Variants in FBXO31 observed in about 807,000 individuals in gnomAD.
FBXO31 encodes the protein F-box only protein 31.
Under a neutral mutation model 54.4 loss-of-function variants are expected in FBXO31, and 24 were observed. The ratio of observed to expected loss-of-function variants is 0.44; its 90% CI spans 0.32 to 0.62. FBXO31 has a LOEUF of 0.62. Among genes scored for constraint, FBXO31 ranks in the 20% least tolerant of loss-of-function variants. The probability of loss-of-function intolerance (pLI) is 0.05; values close to 1 mark genes in which losing one functional copy is unlikely to be tolerated. For synonymous variants in FBXO31, 388 were observed against 335.6 expected, an observed-to-expected ratio of 1.16 and a Z score of -1.71; for missense variants, 665 against 787.1, an observed-to-expected ratio of 0.84 and a Z score of 1.86.
rs538491998 is a variant in FBXO31 at position 87,361,933 on chromosome 16, C to T, written c.341-1567G>A. Among the ~76,000 whole-genome samples the T allele has an allele frequency of 5.3e-5, 8 of 152,336 alleles. No homozygotes were observed. In the South Asian group the frequency reaches 1.5e-3, roughly 28 times the overall value. On this transcript the variant is annotated intron_variant, in intron 1 of 8. Transcript: ENST00000311635. ...TGTGTCTCCTCTCAGTTGTGGTCTA[C>T]GGGTCCCCCTTAGCGGGAGGACCTG...
In FBXO31 at chr16:87,383,364, A is replaced by ACCCCCCCCCCCACCCCGCCCCCCCCCCC; in HGVS notation, c.340+40_340+41insGGGGGGGGGGGCGGGGTGGGGGGGGGGG. ...GCTCCGAGGCCTCCACCTGGCAGGG[A>ACCCCCCCCCCCACCCCGCCCCCCCCCCC]CCCCCCGCCCCTCCCGGCCCCGCCA... On this transcript the variant is annotated intron_variant, in intron 1 of 8. Coordinates refer to ENST00000311635, the MANE Select transcript of FBXO31 (RefSeq NM_024735.5). This position sits in a 1 kb window ranked among gnomAD's most constrained non-coding sequence, Gnocchi z 4.9. 1.5e-6 allele frequency: 2 copies of ACCCCCCCCCCCACCCCGCCCCCCCCCCC among 1,329,440 alleles called. No individual in the cohort carries two copies. Among genetic ancestry groups the ACCCCCCCCCCCACCCCGCCCCCCCCCCC allele is most frequent in the Non-Finnish European group, 1.0e-6 (1 of 975,770 alleles). 82.4% of individuals were successfully genotyped at this position (1,329,440 alleles called of 1,614,324 possible).
At position 87,335,012 on chromosome 16, in the gene FBXO31, A is replaced by G. The variant is rs970955625; in HGVS notation, c.996+292T>C. On this transcript the variant is annotated intron_variant, in intron 7 of 8. Coordinates refer to ENST00000311635, the MANE Select transcript of FBXO31 (RefSeq NM_024735.5). The surrounding 1 kb of genome is among the most constrained non-coding windows in gnomAD (Gnocchi z 5.7). ...CCTCTGTGTGGGGTCTGCTGTCCAG[A>G]CTTCCTAAACCCCACAGGGCTGCCA... Among the ~76,000 whole-genome samples the G allele has an allele frequency of 6.6e-6, 1 of 152,114 alleles. No homozygotes were observed. Among genetic ancestry groups the G allele is most frequent in the African/African-American group, 2.4e-5 (1 of 41,432 alleles).
rs1904760167 is a variant in FBXO31, at chr16:87,329,341, ATC to A, written c.*1945_*1946del. The A allele has an allele frequency of 1.3e-5, 2 of 152,400 alleles. No individual in the cohort carries two copies. The highest frequency in any genetic ancestry group is 4.8e-5 in the African/African-American group (2 of 41,594). The allele number at this position is 152,400 out of a possible 1,614,324, so 9.4% of individuals were successfully genotyped here. On this transcript the variant is annotated 3_prime_UTR_variant, in exon 9 of 9. Coordinates refer to ENST00000311635, the MANE Select transcript of FBXO31 (RefSeq NM_024735.5). ...CCCAAACACTGGAAGCGTAATTGAG[ATC>A]TGAGATTCCTTTAATCAGAAGCACG...
At chr16:87,350,855 T>C (rs1245380420) in intron 2 of FBXO31, among the ~76,000 whole-genome samples, 2 of 152,202 alleles carry the variant, frequency 1.3e-5, no homozygotes, top group Non-Finnish European at 2.9e-5. Context: ...GAGTTCCCTG[T>C]TGTGCTGAAA....
In FBXO31 at chr16:87,336,658, G is replaced by C. The variant is rs1597358793; in HGVS notation, c.733-394C>G. Among the ~76,000 whole-genome samples, 2 of 152,274 alleles carry C rather than the reference G, an allele frequency of 1.3e-5. 1 individual carries two copies. The highest frequency in any genetic ancestry group is 3.9e-4 in the East Asian group (2 of 5,168). ...CCTGCACAGCACAGCCCCTCAGCCT[G>C]CTTCTCTGGCTCCTGGGAGCCTGAG... is the stretch of plus-strand genomic sequence containing the variant. On this transcript the variant is annotated intron_variant, in intron 5 of 8. Transcript: ENST00000311635. The surrounding 1 kb of genome is among the most constrained non-coding windows in gnomAD (Gnocchi z 6.5).
intron 1 of FBXO31, among the ~76,000 whole-genome samples, chr16:87,366,031 A>T (rs1470040173): frequency 6.6e-6 from 1 of 152,152 alleles, no homozygotes; most frequent in Non-Finnish European, 1.5e-5. Context: ...TGCTTCTCAA[A>T]AACACAAAAC....
In FBXO31 at chr16:87,338,081, C is replaced by T. The variant is rs1238339980; in HGVS notation, c.733-1817G>A. Among the ~76,000 whole-genome samples the T allele has an allele frequency of 6.6e-6, 1 of 152,130 alleles. No homozygotes were observed. The highest frequency in any genetic ancestry group is 1.5e-5 in the Non-Finnish European group (1 of 68,024). ...TGAGTACTGCGACTTCAACTTGACA[C>T]CATCAGGAAGATGAGCATGTGTAGC... On this transcript the variant is annotated intron_variant, in intron 5 of 8. Transcript: ENST00000311635. This position sits in a 1 kb window ranked among gnomAD's most constrained non-coding sequence, Gnocchi z 4.3.
At chr16:87,348,229 T>C (rs1905480660) in intron 2 of FBXO31, among the ~76,000 whole-genome samples, 2 of 152,042 alleles carry the variant, frequency 1.3e-5, no homozygotes. Context: ...CTCTCCACCC[T>C]ACCTGCCCGC....
Position 87,344,993 on chromosome 16 carries a change from C to G in FBXO31, c.490-1228G>C, listed in dbSNP as rs1597363814. 2.0e-5 allele frequency among the ~76,000 whole-genome samples: 3 copies of G among 152,266 alleles called. No homozygotes were observed. In the South Asian group the frequency reaches 6.2e-4, roughly 32 times the overall value. ...AGCCCATCCCTGCCCCGAACCCCACCTGGGGGCAGAGCCCATCCCTGCCCC... is the reference window on the plus strand; with the variant it reads ...AGCCCATCCCTGCCCCGAACCCCACGTGGGGGCAGAGCCCATCCCTGCCCC... On this transcript the variant is annotated intron_variant, in intron 3 of 8. Transcript: ENST00000311635.
chr16:87,371,259 T>G (rs899259617), intron 1 of FBXO31, among the ~76,000 whole-genome samples: 12 of 152,238 alleles, frequency 7.9e-5, no homozygotes, highest in African/African-American at 2.7e-4. Flanking sequence ...ACAGTAGCCA[T>G]GTGGACAGGA....
chr16:87,345,378 C>T lies in FBXO31; in HGVS notation c.490-1613G>A, dbSNP rs1049885560. On this transcript the variant is annotated intron_variant, in intron 3 of 8. Coordinates refer to ENST00000311635, the MANE Select transcript of FBXO31 (RefSeq NM_024735.5). This position sits in a 1 kb window ranked among gnomAD's most constrained non-coding sequence, Gnocchi z 4.9. ...AGGGGAAGAGGGTGGGAGGGCGGAC[C>T]GGAAGCCATGCAGACTCCATGCAGA... 6.6e-6 allele frequency among the ~76,000 whole-genome samples: 1 copy of T among 151,784 alleles called. No homozygotes were observed. Among genetic ancestry groups the T allele is most frequent in the East Asian group, 1.9e-4 (1 of 5,166 alleles).
At chr16:87,378,848 G>A (rs1906945123) in intron 1 of FBXO31, among the ~76,000 whole-genome samples, 1 of 151,748 alleles carries the variant, frequency 6.6e-6, no homozygotes, top group South Asian at 2.1e-4. Context: ...TGTAGTCCCA[G>A]CTACTCGGGA....
At chr16:87,357,221 G>C (rs957771709) in intron 2 of FBXO31, among the ~76,000 whole-genome samples, 1 of 151,706 alleles carries the variant, frequency 6.6e-6, no homozygotes, top group Non-Finnish European at 1.5e-5. Context: ...CTCCAACCTG[G>C]GCAACAAGAC....
Position 87,335,506 on chromosome 16 carries a change from G to A in FBXO31, c.843-49C>T, listed in dbSNP as rs994956489. ...ACAGGAGACCTCGTGGGGCAGGCAG[G>A]ACTGAGAACGCCCAAGGTGCCAGGG... On this transcript the variant is annotated intron_variant, in intron 6 of 8. Coordinates refer to ENST00000311635, the MANE Select transcript of FBXO31 (RefSeq NM_024735.5). This position sits in a 1 kb window ranked among gnomAD's most constrained non-coding sequence, Gnocchi z 5.7. 7.0e-7 allele frequency: 1 copy of A among 1,426,772 alleles called. No individual in the cohort carries two copies. Among genetic ancestry groups the A allele is most frequent in the Non-Finnish European group, 9.4e-7 (1 of 1,066,668 alleles). 88.4% of individuals were successfully genotyped at this position (1,426,772 alleles called of 1,614,324 possible).
rs1278139894 is a variant in FBXO31, at chr16:87,335,564, C to G, written c.843-107G>C. 3 of 1,160,318 alleles carry G rather than the reference C, an allele frequency of 2.6e-6. No individual in the cohort carries two copies. Among genetic ancestry groups the G allele is most frequent in the Non-Finnish European group, 3.6e-6 (3 of 829,648 alleles). The allele number at this position is 1,160,318 out of a possible 1,614,324, so 71.9% of individuals were successfully genotyped here. A position where few individuals can be genotyped will look rare whatever the true frequency, so the allele number is the denominator to read the frequency against. The stretch of plus-strand genomic sequence containing the variant: ...TTGCAGGGCGGGGTAGGGCGGGCAG[C>G]TCAGCTCAACCAGGGCCAGGTGTCC... On this transcript the variant is annotated intron_variant, in intron 6 of 8. Transcript: ENST00000311635. The surrounding 1 kb of genome is among the most constrained non-coding windows in gnomAD (Gnocchi z 5.7).
At chr16:87,373,929 A>T (rs1205458314) in intron 1 of FBXO31, among the ~76,000 whole-genome samples, 1 of 152,184 alleles carries the variant, frequency 6.6e-6, no homozygotes, top group East Asian at 1.9e-4. Flanking sequence ...TTGTGACAGG[A>T]TTACATTCCA....
intron 1 of FBXO31, among the ~76,000 whole-genome samples, chr16:87,375,870 T>C (rs900856299): frequency 6.6e-6 from 1 of 152,200 alleles, no homozygotes; most frequent in East Asian, 1.9e-4. Flanking sequence ...GAAACACTAT[T>C]AGAAAAGATT....
intron 1 of FBXO31, among the ~76,000 whole-genome samples, chr16:87,374,395 T>C (rs1025687178): frequency 6.6e-6 from 1 of 151,816 alleles, no homozygotes; most frequent in Admixed American, 6.6e-5. Context: ...TCATCGAAAA[T>C]CGCTTTATTG....
rs2150684901 is a variant in FBXO31, at chr16:87,358,700, G to A, written c.412+1595C>T. The stretch of plus-strand genomic sequence containing the variant: ...GTGACACGTTTTCCTTCCATCAGTG[G>A]TGCCACCAGAAACTCACGGTGGCAG... On this transcript the variant is annotated intron_variant, in intron 2 of 8. Coordinates refer to ENST00000311635, the MANE Select transcript of FBXO31 (RefSeq NM_024735.5). The surrounding 1 kb of genome is among the most constrained non-coding windows in gnomAD (Gnocchi z 4.0). Among the ~76,000 whole-genome samples the A allele has an allele frequency of 6.6e-6, 1 of 152,264 alleles. No homozygotes were observed. The highest frequency in any genetic ancestry group is 2.1e-4 in the South Asian group (1 of 4,820).
Sources: gnomAD v4.1 joint callset for allele counts (sites outside exome capture counted in the v4.1 genomes callset) on GRCh38, gnomAD v4.1.1 for gene constraint, Gnocchi (gnomAD v3.1) non-coding constraint, MANE v1.5 for transcripts, NCBI Gene and HGNC (gene_info 2026-07-23, HGNC 2026-07-21) for gene names.